Variants in LOC128462377 observed in about 807,000 individuals in gnomAD.
chr16:89,410,564 A>C, the LOC128462377 span, among the ~76,000 whole-genome samples: 12 of 152,158 alleles, frequency 7.9e-5, no homozygotes, highest in African/African-American at 2.9e-4. Context: ...CCCTCTGCTT[A>C]CTGCTCTGGT....
At chr16:89,348,274 G>A in the LOC128462377 span, among the ~76,000 whole-genome samples, 562 of 152,164 alleles carry the variant, frequency 3.7e-3, 4 homozygotes, top group African/African-American at 0.012. Flanking sequence ...ATGATCTTAC[G>A]GCATTTCATT....
chr16:89,363,876 C>A, the LOC128462377 span, among the ~76,000 whole-genome samples: 1 of 151,736 alleles, frequency 6.6e-6, no homozygotes, highest in East Asian at 1.9e-4. Flanking sequence ...GCCATCGTGG[C>A]AAAACCCTGT....
At chr16:89,399,420 G>A in the LOC128462377 span, among the ~76,000 whole-genome samples, 2 of 152,158 alleles carry the variant, frequency 1.3e-5, no homozygotes, top group African/African-American at 2.4e-5. Context: ...AGGACTACAC[G>A]CTGTACGGTT....
chr16:89,331,463 G>A, the LOC128462377 span, among the ~76,000 whole-genome samples: 1 of 152,136 alleles, frequency 6.6e-6, no homozygotes, highest in African/African-American at 2.4e-5. Flanking sequence ...AGACTTAAAA[G>A]ACATCAAAGA....
At chr16:89,353,906 C>A in the LOC128462377 span, among the ~76,000 whole-genome samples, 1 of 152,218 alleles carries the variant, frequency 6.6e-6, no homozygotes, top group Non-Finnish European at 1.5e-5. Flanking sequence ...ATGCAGGGAG[C>A]GTGGGGCATG....
chr16:89,410,320 T>A, the LOC128462377 span, among the ~76,000 whole-genome samples: 1 of 152,142 alleles, frequency 6.6e-6, no homozygotes, highest in Admixed American at 6.6e-5. Flanking sequence ...GATTTGATAT[T>A]TAGAAACTTT....
the LOC128462377 span, among the ~76,000 whole-genome samples, chr16:89,353,564 G>A: frequency 2.0e-5 from 3 of 151,030 alleles, no homozygotes; most frequent in East Asian, 6.2e-4. Flanking sequence ...TGCAACCTCC[G>A]CCTTCCGGGT....
the LOC128462377 span, among the ~76,000 whole-genome samples, chr16:89,404,993 C>T: frequency 3.3e-5 from 5 of 152,254 alleles, no homozygotes; most frequent in African/African-American, 1.2e-4. Context: ...AATCAGACTT[C>T]CAAAAAGAAA....
the LOC128462377 span, among the ~76,000 whole-genome samples, chr16:89,387,543 G>A: frequency 1.3e-5 from 2 of 151,784 alleles, no homozygotes; most frequent in Non-Finnish European, 2.9e-5. Flanking sequence ...CGTGGTGGCG[G>A]GCGCCTGTAC....
At chr16:89,352,257 T>G in the LOC128462377 span, among the ~76,000 whole-genome samples, 2 of 152,056 alleles carry the variant, frequency 1.3e-5, no homozygotes, top group Admixed American at 1.3e-4. Flanking sequence ...GAGACAAGAC[T>G]TGTCCTAAGG....
chr16:89,418,284 C>T, the LOC128462377 span: 5 of 453,950 alleles, frequency 1.1e-5, no homozygotes, highest in East Asian at 2.8e-4. Flanking sequence ...GAGTATTTAC[C>T]GATTCCATAG....
chr16:89,413,498 A>G, the LOC128462377 span, among the ~76,000 whole-genome samples: 5 of 152,020 alleles, frequency 3.3e-5, no homozygotes, highest in Non-Finnish European at 5.9e-5. Flanking sequence ...GGTGGCGGGC[A>G]CCTATAGTCC....
chr16:89,408,809 T>C, the LOC128462377 span, among the ~76,000 whole-genome samples: 1 of 152,272 alleles, frequency 6.6e-6, no homozygotes, highest in Non-Finnish European at 1.5e-5. Context: ...ACATTCCTCT[T>C]GTAATAAAAA....
the LOC128462377 span, among the ~76,000 whole-genome samples, chr16:89,318,254 C>T: frequency 6.6e-6 from 1 of 152,230 alleles, no homozygotes; most frequent in Non-Finnish European, 1.5e-5. Context: ...GGCCTCCTCC[C>T]TGCCTGTGGG....
chr16:89,388,523 C>T, the LOC128462377 span, among the ~76,000 whole-genome samples: 5,091 of 151,986 alleles, frequency 0.033, 191 homozygotes, highest in East Asian at 0.13. Context: ...AACGCACACA[C>T]GTCACAAAAA....
At chr16:89,323,585 A>G in the LOC128462377 span, among the ~76,000 whole-genome samples, 7 of 56,850 alleles carry the variant, frequency 1.2e-4, 1 homozygote, top group African/African-American at 4.0e-4. Context: ...GGCTAAGCCC[A>G]GGGCAGGGGG....
chr16:89,329,867 A>G, the LOC128462377 span, among the ~76,000 whole-genome samples: 6,710 of 152,150 alleles, frequency 0.044, 527 homozygotes, highest in African/African-American at 0.15. Flanking sequence ...TTAGCCGGGC[A>G]TGGTGGTGCG....
the LOC128462377 span, among the ~76,000 whole-genome samples, chr16:89,341,466 C>T: frequency 5.3e-5 from 8 of 152,298 alleles, no homozygotes; most frequent in South Asian, 1.7e-3. Context: ...TCCAGAAGGC[C>T]TGTGTGGGCT....
chr16:89,337,224 A>G, the LOC128462377 span, among the ~76,000 whole-genome samples: 2 of 151,640 alleles, frequency 1.3e-5, no homozygotes, highest in East Asian at 1.9e-4. Flanking sequence ...TAAAACGCCA[A>G]ACGCACAGAT....
Sources: gnomAD v4.1 joint callset for allele counts (sites outside exome capture counted in the v4.1 genomes callset) on GRCh38, gnomAD v4.1.1 for gene constraint, MANE v1.5 for transcripts.